Variants in B3GALT1 observed in about 807,000 individuals in gnomAD.
B3GALT1 encodes UDP-Gal:betaGlcNAc beta 1,3-galactosyltransferase, polypeptide 1.
Under a neutral mutation model 23.2 loss-of-function variants are expected in B3GALT1, and 10 were observed. The observed-to-expected ratio is 0.43, with a 90% CI of 0.27 to 0.73. The LOEUF is 0.73. Ranked by LOEUF, B3GALT1 falls within the 30% of genes least tolerant of loss-of-function variation. The pLI, the probability that B3GALT1 is intolerant of heterozygous loss-of-function variation, is 0.21. For synonymous variants in B3GALT1, 156 were observed against 141.5 expected, an observed-to-expected ratio of 1.10 and a Z score of -0.73; for missense variants, 299 against 405.4, an observed-to-expected ratio of 0.74 and a Z score of 2.25.
chr2:167,561,223 G>A (rs1683981008), intron 2 of B3GALT1, among the ~76,000 whole-genome samples: 1 of 152,174 alleles, frequency 6.6e-6, no homozygotes. Context: ...ATAACAAAAT[G>A]AAGGCAGACA....
chr2:167,422,045 G>C (rs1392495144), intron 1 of B3GALT1, among the ~76,000 whole-genome samples: 1 of 151,374 alleles, frequency 6.6e-6, no homozygotes, highest in Non-Finnish European at 1.5e-5. Flanking sequence ...AGCTTATGAG[G>C]GTAGAGGAGG....
chr2:167,684,305 C>A (rs962816754), intron 3 of B3GALT1, among the ~76,000 whole-genome samples: 1 of 152,216 alleles, frequency 6.6e-6, no homozygotes, highest in African/African-American at 2.4e-5. Context: ...TCACAGCCTA[C>A]AAATTACCTA....
chr2:167,440,115 G>A (rs528190671), intron 1 of B3GALT1, among the ~76,000 whole-genome samples: 34 of 151,784 alleles, frequency 2.2e-4, no homozygotes, highest in African/African-American at 5.1e-4. Context: ...AGGCCGAGGC[G>A]GGCGGATCAC....
At chr2:167,651,417 G>T (rs767884739) in intron 3 of B3GALT1, among the ~76,000 whole-genome samples, 2 of 151,956 alleles carry the variant, frequency 1.3e-5, no homozygotes, top group African/African-American at 4.8e-5. Flanking sequence ...TAACATCTTC[G>T]TTACTTTCCC....
intron 3 of B3GALT1, among the ~76,000 whole-genome samples, chr2:167,726,134 T>C (rs1339457935): frequency 6.6e-6 from 1 of 152,178 alleles, no homozygotes; most frequent in Non-Finnish European, 1.5e-5. Flanking sequence ...GAGCTATCCA[T>C]GGAACTTATC....
chr2:167,602,645 T>C (rs763812596), intron 2 of B3GALT1, among the ~76,000 whole-genome samples: 6 of 152,202 alleles, frequency 3.9e-5, no homozygotes, highest in Non-Finnish European at 8.8e-5. Flanking sequence ...TTTAAAGATT[T>C]CCATAATTTC....
intron 1 of B3GALT1, among the ~76,000 whole-genome samples, chr2:167,383,782 G>A (rs1329836935): frequency 6.6e-6 from 1 of 152,180 alleles, no homozygotes; most frequent in Admixed American, 6.5e-5. Context: ...GATGAACCAA[G>A]CACCTCACAG....
intron 2 of B3GALT1, among the ~76,000 whole-genome samples, chr2:167,546,554 C>T (rs946888238): frequency 1.3e-5 from 2 of 152,130 alleles, no homozygotes; most frequent in African/African-American, 2.4e-5. Context: ...TCTCACCCCC[C>T]ACCCCAACTC....
intron 1 of B3GALT1, among the ~76,000 whole-genome samples, chr2:167,331,095 T>G (rs751476925): frequency 1.8e-4 from 28 of 151,946 alleles, no homozygotes; most frequent in Non-Finnish European, 3.7e-4. Context: ...ATGATTTTTT[T>G]TGGGGGGGTA....
chr2:167,403,011 A>C (rs1200970522), intron 1 of B3GALT1, among the ~76,000 whole-genome samples: 5 of 151,762 alleles, frequency 3.3e-5, no homozygotes, highest in Admixed American at 3.3e-4. Context: ...GATTTGGCTA[A>C]AGAGCACCAT....
intron 1 of B3GALT1, among the ~76,000 whole-genome samples, chr2:167,339,950 A>G (rs1697120515): frequency 6.6e-6 from 1 of 152,104 alleles, no homozygotes; most frequent in Admixed American, 6.6e-5. Context: ...GCTTTTTATA[A>G]CCCTATTGGG....
intron 3 of B3GALT1, among the ~76,000 whole-genome samples, chr2:167,717,527 C>T (rs1687170932): frequency 6.6e-6 from 1 of 151,816 alleles, no homozygotes; most frequent in Non-Finnish European, 1.5e-5. Flanking sequence ...AAGTACTTTC[C>T]TTTGTCGCCA....
intron 2 of B3GALT1, among the ~76,000 whole-genome samples, chr2:167,557,812 A>G (rs1683880623): frequency 6.6e-6 from 1 of 152,234 alleles, no homozygotes; most frequent in Non-Finnish European, 1.5e-5. Flanking sequence ...CAAGAAGGGT[A>G]CTTAGCGAAA....
At chr2:167,675,012 C>T (rs1451224482) in intron 3 of B3GALT1, among the ~76,000 whole-genome samples, 1 of 152,206 alleles carries the variant, frequency 6.6e-6, no homozygotes, top group African/African-American at 2.4e-5. Flanking sequence ...TCCAAAATTA[C>T]AGACACATAA....
intron 3 of B3GALT1, among the ~76,000 whole-genome samples, chr2:167,716,282 T>TA: frequency 6.6e-6 from 1 of 152,120 alleles, no homozygotes; most frequent in East Asian, 1.9e-4. Flanking sequence ...GCCCCCCTGT[T>TA]ACACTTTACA....
At chr2:167,398,006 C>T (rs910890733) in intron 1 of B3GALT1, among the ~76,000 whole-genome samples, 2 of 152,116 alleles carry the variant, frequency 1.3e-5, no homozygotes, top group East Asian at 1.9e-4. Flanking sequence ...TTGCTTGCAC[C>T]TCAAGTGTTG....
At chr2:167,766,313 C>T (rs866337387) in intron 3 of B3GALT1, among the ~76,000 whole-genome samples, 5 of 152,008 alleles carry the variant, frequency 3.3e-5, no homozygotes, top group African/African-American at 4.8e-5. Flanking sequence ...CTAGAAATTG[C>T]GACAAAACTC....
In B3GALT1 at chr2:167,339,513, A is replaced by G. The variant is rs563289339; in HGVS notation, c.-511+46179A>G. Among the ~76,000 whole-genome samples, 276 of 152,258 alleles carry G rather than the reference A, an allele frequency of 1.8e-3. 1 individual carries two copies. The highest frequency in any genetic ancestry group is 6.4e-3 in the African/African-American group (266 of 41,566). ...AATTTGGAGTGAGAGACTTATGTAC[A>G]AGGACCTTCAATTTTACTTGAAGTA... On this transcript the variant is annotated intron_variant, in intron 1 of 4. Coordinates refer to ENST00000392690, the MANE Select transcript of B3GALT1 (RefSeq NM_020981.4).
rs145322800 is a variant in B3GALT1, at chr2:167,578,790, A to C, written c.-409-68119A>C. Among the ~76,000 whole-genome samples, 11 of 152,152 alleles carry C rather than the reference A, an allele frequency of 7.2e-5. No homozygotes were observed. In the East Asian group the frequency reaches 2.1e-3, roughly 29 times the overall value. On this transcript the variant is annotated intron_variant, in intron 2 of 4. Transcript: ENST00000392690. ...TTTGTCATTTAAACATGTTCCAGGG[A>C]AATCCCAGAAGCTGGAAGTCAGTGG...
Sources: gnomAD v4.1 joint callset for allele counts (sites outside exome capture counted in the v4.1 genomes callset) on GRCh38, gnomAD v4.1.1 for gene constraint, MANE v1.5 for transcripts, NCBI Gene and HGNC (gene_info 2026-07-23, HGNC 2026-07-21) for gene names.